The following ITSN1 variants were observed in gnomAD, a reference collection of about 807,000 sequenced individuals.
The protein encoded by ITSN1 is intersectin 1, also known as intersectin-1.
In ITSN1, 58 loss-of-function variants were observed where a neutral mutation model predicts 239.8. The ratio of observed to expected loss-of-function variants is 0.24; its 90% CI spans 0.20 to 0.30. ITSN1 has a LOEUF of 0.30. Ranked by LOEUF, ITSN1 falls within the 10% of genes least tolerant of loss-of-function variation. The probability of loss-of-function intolerance (pLI) is 1.00; values close to 1 mark genes in which losing one functional copy is unlikely to be tolerated. For missense variants in ITSN1, 1,558 were observed against 2,103.3 expected (o/e 0.74, Z 5.07); for synonymous variants, 780 against 770.8 (o/e 1.01, Z -0.20).
rs117993616 is a variant in ITSN1, at chr21:33,848,568, G to A, written c.3662-8168G>A. Reference sequence around the variant, plus strand: ...CTGCCATTTATCAACTGACTTACCCGCCCTGTGCCTCAGTTTCCCTGTCTG... The same window carrying A: ...CTGCCATTTATCAACTGACTTACCCACCCTGTGCCTCAGTTTCCCTGTCTG... On this transcript the variant is annotated intron_variant, in intron 29 of 39. Coordinates refer to ENST00000381318, the MANE Select transcript of ITSN1 (RefSeq NM_003024.3). Among the ~76,000 whole-genome samples, 49 of 152,262 alleles carry A rather than the reference G, an allele frequency of 3.2e-4. No individual in the cohort carries two copies. The East Asian group carries it at 8.9e-3, about 28-fold the overall frequency.
rs781620240 is a variant in ITSN1 at position 33,890,520 on chromosome 21, A to C, written c.*2220A>C. ...CAAGTGACTCTGTTGAGCATCCTTGAGATGCTCCTGCCATGTAGCAAGTTC... is the reference window on the plus strand; with the variant it reads ...CAAGTGACTCTGTTGAGCATCCTTGCGATGCTCCTGCCATGTAGCAAGTTC... On this transcript the variant is annotated 3_prime_UTR_variant, in exon 40 of 40. Coordinates refer to ENST00000381318, the MANE Select transcript of ITSN1 (RefSeq NM_003024.3). 1 of 152,184 alleles carries C rather than the reference A, an allele frequency of 6.6e-6. No homozygotes were observed. The highest frequency in any genetic ancestry group is 1.5e-5 in the Non-Finnish European group (1 of 68,028). 9.4% of individuals were successfully genotyped at this position (152,184 alleles called of 1,614,324 possible).
chr21:33,761,961 C>T lies in ITSN1; in HGVS notation c.763C>T (p.Pro255Ser). 6.2e-7 allele frequency: 1 copy of T among 1,613,732 alleles called. No homozygotes were observed. The highest frequency in any genetic ancestry group is 8.5e-7 in the Non-Finnish European group (1 of 1,179,646). The change falls in exon 9 of 40, where the codon CCA becomes TCA. Residue 255 changes from proline to serine, a missense_variant. Coordinates refer to ENST00000381318, the MANE Select transcript of ITSN1 (RefSeq NM_003024.3). The part of the protein sequence containing the change: ...ARTILMQSSL[P>S]QAQLASIWNL... ...AACTATTCTTATGCAGTCAAGTTTA[C>T]CACAGGCTCAGCTGGCTTCAATATG...
chr21:33,838,298 C>G, intron 29 of ITSN1: 1 of 985,412 alleles, frequency 1.0e-6, no homozygotes, highest in Non-Finnish European at 1.2e-6. Flanking sequence ...GGAGGCTGTG[C>G]TGGTGGTCGT....
At chr21:33,689,100 A>G (rs1419034343) in intron 1 of ITSN1, among the ~76,000 whole-genome samples, 1 of 152,192 alleles carries the variant, frequency 6.6e-6, no homozygotes, top group Non-Finnish European at 1.5e-5. Context: ...GGCATGAGCC[A>G]TTGTGCCTGG....
intron 39 of ITSN1, 88 bp downstream of exon 39, chr21:33,886,548 C>G: frequency 8.2e-7 from 1 of 1,216,444 alleles, no homozygotes; most frequent in Non-Finnish European, 1.1e-6. Flanking sequence ...GACTTGGTGC[C>G]AGGATTCCTT....
At position 33,891,798 on chromosome 21, in the gene ITSN1, G is replaced by A. The variant is rs1268943358; in HGVS notation, c.*3498G>A. 6.6e-5 allele frequency: 10 copies of A among 152,216 alleles called. No individual in the cohort carries two copies. Among genetic ancestry groups the A allele is most frequent in the African/African-American group, 2.2e-4 (9 of 41,452 alleles). The allele number at this position is 152,216 out of a possible 1,614,324, so 9.4% of individuals were successfully genotyped here. On this transcript the variant is annotated 3_prime_UTR_variant, in exon 40 of 40. Coordinates refer to ENST00000381318, the MANE Select transcript of ITSN1 (RefSeq NM_003024.3). The stretch of plus-strand genomic sequence containing the variant: ...TTGGAGTATATTTTAGAGTAGGCCA[G>A]TACCTTGTATAAGCAGAAAAAGACT...
intron 20 of ITSN1, among the ~76,000 whole-genome samples, chr21:33,807,176 T>C (rs1236134193): frequency 3.3e-5 from 5 of 152,228 alleles, no homozygotes; most frequent in South Asian, 2.1e-4. Context: ...TTCACTGTTA[T>C]CCTTAGGGAT....
At chr21:33,679,698 CTTT>C (rs34301203) in intron 1 of ITSN1, among the ~76,000 whole-genome samples, 7 of 86,314 alleles carry the variant, frequency 8.1e-5, no homozygotes, top group Non-Finnish European at 1.4e-4. Context: ...GATCCTTATC[CTTT>C]TTTTTTTTTT....
intron 16 of ITSN1, among the ~76,000 whole-genome samples, chr21:33,790,219 T>A (rs1372839335): frequency 6.6e-6 from 1 of 152,024 alleles, no homozygotes; most frequent in Non-Finnish European, 1.5e-5. Flanking sequence ...TAAGAAACTC[T>A]GTATTTTCAT....
intron 21 of ITSN1, 26 bp downstream of exon 21, chr21:33,811,248 T>C (rs1461452263): frequency 2.0e-6 from 3 of 1,536,842 alleles, no homozygotes; most frequent in Non-Finnish European, 1.7e-6. Context: ...CTCTTTCTGA[T>C]GATTTTTGAA....
At position 33,858,806 on chromosome 21, in the gene ITSN1, C is replaced by T. The variant is rs372758309; in HGVS notation, c.3890+14C>T. ...CAAACTACTAAAGTAAGCCTCTCCT[C>T]TAATCCCCAGCCTGGCTTGGCCTCC... On this transcript the variant is annotated intron_variant, in intron 31 of 39. Coordinates refer to ENST00000381318, the MANE Select transcript of ITSN1 (RefSeq NM_003024.3). 2.2e-5 allele frequency: 34 copies of T among 1,547,786 alleles called. No homozygotes were observed. The highest frequency in any genetic ancestry group is 2.8e-5 in the Non-Finnish European group (31 of 1,121,314).
intron 1 of ITSN1, among the ~76,000 whole-genome samples, chr21:33,671,126 G>T (rs915230572): frequency 6.6e-6 from 1 of 152,166 alleles, no homozygotes; most frequent in Non-Finnish European, 1.5e-5. Context: ...CCTCATATGG[G>T]ACTGTTCTGC....
intron 1 of ITSN1, among the ~76,000 whole-genome samples, chr21:33,698,228 A>G (rs1246149834): frequency 1.3e-5 from 2 of 152,166 alleles, no homozygotes; most frequent in African/African-American, 4.8e-5. Flanking sequence ...TAAAGGGACA[A>G]ATCGTCCGAA....
rs755366614 is a variant in ITSN1, at chr21:33,813,919, C to G, written c.2574C>G (p.Pro858=). 2.5e-6 allele frequency: 4 copies of G among 1,613,532 alleles called. No individual in the cohort carries two copies. In the South Asian group the frequency reaches 3.3e-5, roughly 13 times the overall value. ...GTTGTGCTTTTCCCTCCAGGTGGCC[C>G]ACCAGCACGAATGAGAAACCAGAAA... ...NNWADFSSTW[P]TSTNEKPETD... is the part of the protein sequence containing the mutation. The change falls in exon 22 of 40, where the codon CCC becomes CCG. Residue 858 remains proline (P), a synonymous_variant. Coordinates refer to ENST00000381318, the MANE Select transcript of ITSN1 (RefSeq NM_003024.3).
Position 33,722,582 on chromosome 21 carries a change from T to A in ITSN1, c.122-6T>A, listed in dbSNP as rs2065565338. The A allele has an allele frequency of 2.1e-5, 33 of 1,570,980 alleles. No individual in the cohort carries two copies. Among genetic ancestry groups the A allele is most frequent in the Non-Finnish European group, 2.4e-5 (28 of 1,166,708 alleles). Reference sequence around the variant, plus strand: ...TTTCCTGAAACTTTTTCTGTTTAATTTACAGGTGATCAAGCTAGAAACTTT... The same window carrying A: ...TTTCCTGAAACTTTTTCTGTTTAATATACAGGTGATCAAGCTAGAAACTTT... On this transcript the variant is annotated splice_polypyrimidine_tract_variant and splice_region_variant and intron_variant, in intron 3 of 39. Coordinates refer to ENST00000381318, the MANE Select transcript of ITSN1 (RefSeq NM_003024.3).
rs916294305 is a variant in ITSN1, at chr21:33,890,410, G to A, written c.*2110G>A. ...ATGGTATGCACAATGACAAACAATC[G>A]TTTTAGGTCCCAGGTCACCCACTCA... On this transcript the variant is annotated 3_prime_UTR_variant, in exon 40 of 40. Transcript: ENST00000381318. 7.2e-5 allele frequency: 11 copies of A among 152,300 alleles called. No individual in the cohort carries two copies. Among genetic ancestry groups the A allele is most frequent in the South Asian group, 4.1e-4 (2 of 4,830 alleles). The allele number at this position is 152,300 out of a possible 1,614,324, so 9.4% of individuals were successfully genotyped here.
At chr21:33,808,038 T>A (rs895316434) in intron 20 of ITSN1, among the ~76,000 whole-genome samples, 63 of 151,322 alleles carry the variant, frequency 4.2e-4, no homozygotes, top group Non-Finnish European at 7.1e-4. Context: ...ACAAAAAAAA[T>A]TAGCCGGGCG....
intron 9 of ITSN1, among the ~76,000 whole-genome samples, chr21:33,764,658 A>AT (rs2068596288): frequency 6.6e-6 from 1 of 152,246 alleles, no homozygotes; most frequent in Non-Finnish European, 1.5e-5. Flanking sequence ...TATGGAAATT[A>AT]TAACAAAAAA....
chr21:33,810,759 A>C (rs2072844622), intron 20 of ITSN1, among the ~76,000 whole-genome samples: 1 of 152,224 alleles, frequency 6.6e-6, no homozygotes, highest in African/African-American at 2.4e-5. Context: ...AGGCTTTTTT[A>C]AAAAGTGCAG....
Sources: gnomAD v4.1 joint callset for allele counts (sites outside exome capture counted in the v4.1 genomes callset) on GRCh38, gnomAD v4.1.1 for gene constraint, MANE v1.5 for transcripts, NCBI Gene and HGNC (gene_info 2026-07-23, HGNC 2026-07-21) for gene names.